TMEM132B: variants seen among roughly 807,000 people sequenced by gnomAD.
The protein encoded by TMEM132B is transmembrane protein 132B.
Under a neutral mutation model 90.8 loss-of-function variants are expected in TMEM132B, and 18 were observed. The observed-to-expected ratio is 0.20, with a 90% CI of 0.14 to 0.29. The LOEUF is 0.29. Among genes scored for constraint, TMEM132B ranks in the 10% least tolerant of loss-of-function variants. The pLI, the probability that TMEM132B is intolerant of heterozygous loss-of-function variation, is 1.00. For missense variants in TMEM132B, 1,096 were observed against 1,326.8 expected (o/e 0.83, Z 2.70); for synonymous variants, 504 against 523.3 (o/e 0.96, Z 0.50).
At chr12:125,243,020 TATATATATATATACAC>T (rs1386665446) in intron 1 of TMEM132B, among the ~76,000 whole-genome samples, 1 of 141,384 alleles carries the variant, frequency 7.1e-6, no homozygotes, top group Non-Finnish European at 1.5e-5. Context: ...CATATATATA[TATATATATATATACAC>T]ACACACACAC....
At chr12:125,436,224 A>T (rs1880695760) in intron 3 of TMEM132B, among the ~76,000 whole-genome samples, 1 of 152,106 alleles carries the variant, frequency 6.6e-6, no homozygotes, top group African/African-American at 2.4e-5. Context: ...TCATTGTTAA[A>T]ATTAGGATCC....
rs772476594 is a variant in TMEM132B, at chr12:125,654,563, C to T, written c.3105C>T (p.Thr1035=). The change falls in exon 9 of 9, where the codon ACC becomes ACT. Residue 1035 remains threonine (T), a synonymous_variant. Transcript: ENST00000682704. The surrounding 1 kb of genome is among the most constrained non-coding windows in gnomAD (Gnocchi z 5.8). The part of the protein sequence containing the change: ...KRKRVKFTSY[T]TILPEDGGPY... Reference sequence around the variant, plus strand: ...AGAGAGTCAAGTTCACTTCCTACACCACCATCCTCCCAGAGGACGGCGGCC... The same window carrying T: ...AGAGAGTCAAGTTCACTTCCTACACTACCATCCTCCCAGAGGACGGCGGCC... 1 of 1,614,006 alleles carries T rather than the reference C, an allele frequency of 6.2e-7. No homozygotes were observed. The highest frequency in any genetic ancestry group is 1.3e-5 in the African/African-American group (1 of 74,904).
intron 3 of TMEM132B, among the ~76,000 whole-genome samples, chr12:125,494,899 T>C (rs1882500899): frequency 1.1e-5 from 1 of 93,870 alleles, no homozygotes; most frequent in Non-Finnish European, 2.0e-5. Context: ...GATGCGTCCC[T>C]CTCCCCCCTC....
At chr12:125,292,122 AC>A (rs1348510298) in intron 1 of TMEM132B, among the ~76,000 whole-genome samples, 1 of 152,232 alleles carries the variant, frequency 6.6e-6, no homozygotes, top group African/African-American at 2.4e-5. Flanking sequence ...AAATAGCTCA[AC>A]CTTTGTTTCA....
intron 1 of TMEM132B, among the ~76,000 whole-genome samples, chr12:125,225,233 C>T (rs1404872423): frequency 6.6e-6 from 1 of 152,242 alleles, no homozygotes; most frequent in Non-Finnish European, 1.5e-5. Flanking sequence ...TGTAACTTCC[C>T]TGGGCTCCCA....
chr12:125,193,776 G>A (rs991844619), intron 1 of TMEM132B, among the ~76,000 whole-genome samples: 1 of 152,240 alleles, frequency 6.6e-6, no homozygotes, highest in Non-Finnish European at 1.5e-5. Context: ...TTGGGACACA[G>A]CAGGGAACAA....
Position 125,318,416 on chromosome 12 carries a change from G to C in TMEM132B, c.68-31036G>C, listed in dbSNP as rs149805292. The stretch of plus-strand genomic sequence containing the variant: ...TGTGCAGGGTGTGCAGATTTGTTAC[G>C]TAGGTAAATGTGTGCGATGGTGGTT... On this transcript the variant is annotated intron_variant, in intron 1 of 8. Coordinates refer to ENST00000682704, the MANE Select transcript of TMEM132B (RefSeq NM_001366854.1). Among the ~76,000 whole-genome samples, 606 of 151,744 alleles carry C rather than the reference G, an allele frequency of 4.0e-3. 5 individuals carry two copies. Among genetic ancestry groups the C allele is most frequent in the Non-Finnish European group, 5.4e-3 (368 of 67,952 alleles).
intron 3 of TMEM132B, among the ~76,000 whole-genome samples, chr12:125,511,629 G>A (rs1281663880): frequency 6.6e-6 from 1 of 151,894 alleles, no homozygotes; most frequent in Non-Finnish European, 1.5e-5. Flanking sequence ...GAGGTGGGCG[G>A]ATCACGAGGT....
intron 3 of TMEM132B, among the ~76,000 whole-genome samples, chr12:125,518,358 C>A (rs1366547980): frequency 6.6e-6 from 1 of 152,184 alleles, no homozygotes; most frequent in Non-Finnish European, 1.5e-5. Flanking sequence ...AGACTGCAGA[C>A]CTTGCCTAGG....
intron 1 of TMEM132B, among the ~76,000 whole-genome samples, chr12:125,252,145 G>A (rs1411512242): frequency 1.3e-5 from 2 of 152,164 alleles, no homozygotes; most frequent in East Asian, 1.9e-4. Flanking sequence ...AATTCTCTTG[G>A]GTGATAAATA....
At chr12:125,386,910 A>T (rs12309267) in intron 2 of TMEM132B, among the ~76,000 whole-genome samples, 3 of 151,866 alleles carry the variant, frequency 2.0e-5, no homozygotes, top group South Asian at 2.1e-4. Context: ...TAAATCTCAC[A>T]CTCTCTAAAA....
intron 3 of TMEM132B, among the ~76,000 whole-genome samples, chr12:125,518,463 G>T (rs1243658766): frequency 4.6e-5 from 7 of 152,270 alleles, no homozygotes; most frequent in African/African-American, 1.7e-4. Context: ...CTCAGGCCTT[G>T]GGGGAGCTTG....
intron 1 of TMEM132B, among the ~76,000 whole-genome samples, chr12:125,307,788 G>GTATATATACT (rs1876020485): frequency 4.9e-5 from 4 of 81,894 alleles, no homozygotes; most frequent in East Asian, 2.8e-4. Context: ...TATAATACAA[G>GTATATATACT]TATATTACAA....
chr12:125,202,812 A>T (rs922352336), intron 1 of TMEM132B, among the ~76,000 whole-genome samples: 1 of 152,150 alleles, frequency 6.6e-6, no homozygotes, highest in African/African-American at 2.4e-5. Flanking sequence ...ATGGAGAAAA[A>T]CCTGGAGTGC....
intron 3 of TMEM132B, among the ~76,000 whole-genome samples, chr12:125,442,259 T>C (rs1054502742): frequency 6.6e-6 from 1 of 152,244 alleles, no homozygotes; most frequent in Non-Finnish European, 1.5e-5. Flanking sequence ...GCAGGAAATA[T>C]ATGAAATAGG....
At chr12:125,283,315 C>A (rs912022037) in intron 1 of TMEM132B, among the ~76,000 whole-genome samples, 1 of 152,094 alleles carries the variant, frequency 6.6e-6, no homozygotes, top group East Asian at 1.9e-4. Context: ...TTTTGAGCTT[C>A]AGTAGTCAAA....
chr12:125,194,619 G>T (rs1231070983), intron 1 of TMEM132B, among the ~76,000 whole-genome samples: 1 of 151,834 alleles, frequency 6.6e-6, no homozygotes, highest in Non-Finnish European at 1.5e-5. Context: ...CTTTGGCTTG[G>T]TATTTTTCCT....
intron 1 of TMEM132B, among the ~76,000 whole-genome samples, chr12:125,332,583 CTTT>C (rs201828438): frequency 3.6e-4 from 19 of 52,390 alleles, no homozygotes; most frequent in African/African-American, 1.2e-3. Flanking sequence ...AGAGAGTTGG[CTTT>C]TTTTTTTTTT....
intron 2 of TMEM132B, among the ~76,000 whole-genome samples, chr12:125,367,488 G>T (rs1878170089): frequency 6.6e-6 from 1 of 152,174 alleles, no homozygotes; most frequent in Non-Finnish European, 1.5e-5. Flanking sequence ...TAGAATTTGA[G>T]CATTCTCTCT....
Sources: allele counts gnomAD v4.1 joint callset (sites outside exome capture counted in the v4.1 genomes callset), GRCh38; gene constraint gnomAD v4.1.1; non-coding constraint Gnocchi (gnomAD v3.1); transcripts MANE v1.5; gene names NCBI Gene and HGNC (gene_info 2026-07-23, HGNC 2026-07-21).